CPLANE1: variants seen among roughly 807,000 people sequenced by gnomAD.
The protein encoded by CPLANE1 is ciliogenesis and planar polarity effector 1.
CPLANE1 carries 263 observed loss-of-function variants against 362.5 expected under a neutral mutation model. The observed-to-expected ratio is 0.73, with a 90% CI of 0.66 to 0.80. CPLANE1 has a LOEUF of 0.80. Among genes scored for constraint, CPLANE1 ranks in the 30% least tolerant of loss-of-function variants. The probability of loss-of-function intolerance (pLI) is 0.00; values close to 1 mark genes in which losing one functional copy is unlikely to be tolerated. For synonymous variants in CPLANE1, 1,212 were observed against 1,302.6 expected, an observed-to-expected ratio of 0.93 and a Z score of 1.50; for missense variants, 3,461 against 3,793.4, an observed-to-expected ratio of 0.91 and a Z score of 2.30.
At position 37,125,419 on chromosome 5, in the gene CPLANE1, T is replaced by C; in HGVS notation, c.8793-10A>G. ...AGAATAATGCTGAATTCTGAGAAATTTAACAAGCAAGACATCATTTGCTTT... is the reference window on the plus strand; with the variant it reads ...AGAATAATGCTGAATTCTGAGAAATCTAACAAGCAAGACATCATTTGCTTT... On this transcript the variant is annotated splice_polypyrimidine_tract_variant and intron_variant, in intron 46 of 52. Transcript: ENST00000651892. The C allele has an allele frequency of 6.2e-7, 1 of 1,610,688 alleles. No individual in the cohort carries two copies. The highest frequency in any genetic ancestry group is 1.7e-5 in the Admixed American group (1 of 59,574).
downstream of CPLANE1, among the ~76,000 whole-genome samples, chr5:37,105,959 AG>A (rs1757570348): frequency 6.6e-6 from 1 of 152,174 alleles, no homozygotes. Context: ...TACCATAATG[AG>A]GTATCGCTGC....
chr5:37,127,896 T>C (rs897037191), intron 46 of CPLANE1, among the ~76,000 whole-genome samples: 10 of 152,154 alleles, frequency 6.6e-5, no homozygotes, highest in Admixed American at 3.3e-4. Context: ...AAAAATTAGC[T>C]GGGTGCAGTG....
At chr5:37,084,978 A>G in the CPLANE1 span, 6 of 559,238 alleles carry the variant, frequency 1.1e-5, no homozygotes, top group African/African-American at 9.4e-5. Context: ...ATCAGACAAA[A>G]CCAACTTTAA....
At chr5:37,231,880 C>T (rs113626805) in intron 8 of CPLANE1, among the ~76,000 whole-genome samples, 2 of 151,932 alleles carry the variant, frequency 1.3e-5, no homozygotes, top group Non-Finnish European at 2.9e-5. Flanking sequence ...AACAGTAGGT[C>T]CTCCTCAGAA....
Position 37,179,465 on chromosome 5 carries a change from G to C in CPLANE1, c.5738-22C>G, listed in dbSNP as rs1321721540. The C allele has an allele frequency of 2.6e-6, 4 of 1,517,304 alleles. No homozygotes were observed. The East Asian group carries it at 6.8e-5, about 26-fold the overall frequency. 94.0% of individuals were successfully genotyped at this position (1,517,304 alleles called of 1,614,324 possible). ...TCTTCTAGCGATAAGTGAAGATGAA[G>C]AGAAAACTGATCATTTAAAAAATAA... is the stretch of plus-strand genomic sequence containing the variant. On this transcript the variant is annotated intron_variant, in intron 28 of 52. Transcript: ENST00000651892.
chr5:37,157,391 T>C lies in CPLANE1; in HGVS notation c.8041A>G (p.Ser2681Gly). The C allele has an allele frequency of 7.0e-7, 1 of 1,430,818 alleles. No individual in the cohort carries two copies. The highest frequency in any genetic ancestry group is 9.3e-7 in the Non-Finnish European group (1 of 1,073,296). 88.6% of individuals were successfully genotyped at this position (1,430,818 alleles called of 1,614,324 possible). ...EVTPACLDGKSLRAGITEVKE... is the reference protein window; with the variant it reads ...EVTPACLDGKGLRAGITEVKE... Reference sequence around the variant, plus strand: ...ACTTCTGTAATGCCTGCTCTCAAGCTTTTTCCATCCAGACAAGCTGGAGTT... The same window carrying C: ...ACTTCTGTAATGCCTGCTCTCAAGCCTTTTCCATCCAGACAAGCTGGAGTT... Residue 2681 changes from serine to glycine, a missense_variant, in exon 41 of 53, where the codon AGC becomes GGC. Coordinates refer to ENST00000651892, the MANE Select transcript of CPLANE1 (RefSeq NM_001384732.1).
chr5:37,212,901 A>G (rs938300003), intron 16 of CPLANE1, among the ~76,000 whole-genome samples: 3 of 152,226 alleles, frequency 2.0e-5, no homozygotes, highest in Non-Finnish European at 4.4e-5. Context: ...AGTCCCTGCT[A>G]CTTGGGAGGC....
At chr5:37,150,740 T>C (rs968560512) in intron 42 of CPLANE1, among the ~76,000 whole-genome samples, 3 of 152,204 alleles carry the variant, frequency 2.0e-5, no homozygotes, top group African/African-American at 4.8e-5. Context: ...TTAGTGGATC[T>C]CAAACACTTA....
chr5:37,248,896 G>A lies in CPLANE1; in HGVS notation c.-48+349C>T, dbSNP rs187125062. ...ATTGCTAAGAGCGAGGAAAATTGAC[G>A]TTCTATTCCTCCGGATCCTGCTCGA... On this transcript the variant is annotated intron_variant, in intron 1 of 52. Transcript: ENST00000651892. Among the ~76,000 whole-genome samples, 371 of 152,336 alleles carry A rather than the reference G, an allele frequency of 2.4e-3. 1 individual carries two copies. The highest frequency in any genetic ancestry group is 0.01 in the Middle Eastern group (3 of 294).
At chr5:37,170,427 C>T in intron 32 of CPLANE1, 96 bp from the exon 33 acceptor site, 18 of 1,239,170 alleles carry the variant, frequency 1.5e-5, no homozygotes, top group South Asian at 6.0e-5. Flanking sequence ...AATAGTCACA[C>T]GTTTGTCTTA....
At chr5:37,233,155 T>TGGAA (rs1168045847) in intron 8 of CPLANE1, among the ~76,000 whole-genome samples, 4 of 152,134 alleles carry the variant, frequency 2.6e-5, no homozygotes, top group Admixed American at 1.3e-4. Context: ...GGAAAACACA[T>TGGAA]GGAATCCCAC....
In CPLANE1 at chr5:37,107,514, T is replaced by C. The variant is rs1050383928; in HGVS notation, c.*88A>G. Reference sequence around the variant, plus strand: ...TGGAAAATTCACATTGCTTCTTTCATTGCTTCTGTCCCTTAAACCTGTTAA... The same window carrying C: ...TGGAAAATTCACATTGCTTCTTTCACTGCTTCTGTCCCTTAAACCTGTTAA... On this transcript the variant is annotated 3_prime_UTR_variant, in exon 53 of 53. Transcript: ENST00000651892. 2.2e-6 allele frequency: 3 copies of C among 1,344,240 alleles called. No individual in the cohort carries two copies. The highest frequency in any genetic ancestry group is 3.0e-5 in the African/African-American group (2 of 67,170). The allele number at this position is 1,344,240 out of a possible 1,614,324, so 83.3% of individuals were successfully genotyped here. A position where few individuals can be genotyped will look rare whatever the true frequency, so the allele number is the denominator to read the frequency against.
At chr5:37,241,135 C>CAA (rs113875009) in intron 6 of CPLANE1, among the ~76,000 whole-genome samples, 2 of 145,130 alleles carry the variant, frequency 1.4e-5, no homozygotes, top group Non-Finnish European at 3.0e-5. Context: ...GACTCTGTCT[C>CAA]AAAAAAAAAA....
At chr5:37,125,145 A>T in intron 47 of CPLANE1, 99 bp downstream of exon 47, 1 of 1,427,086 alleles carries the variant, frequency 7.0e-7, no homozygotes, top group East Asian at 2.3e-5. Flanking sequence ...GCCAAATTAC[A>T]AATGTATCCA....
At chr5:37,236,890 A>G (rs1799121254) in intron 8 of CPLANE1, among the ~76,000 whole-genome samples, 1 of 152,232 alleles carries the variant, frequency 6.6e-6, no homozygotes, top group South Asian at 2.1e-4. Context: ...CAGAATGGCT[A>G]TTACTAAAAA....
In CPLANE1 at chr5:37,238,933, G is replaced by A. The variant is rs1195050336; in HGVS notation, c.862C>T (p.Leu288=). 5.2e-6 allele frequency: 8 copies of A among 1,525,962 alleles called. No homozygotes were observed. Among genetic ancestry groups the A allele is most frequent in the African/African-American group, 1.4e-5 (1 of 71,340 alleles). The allele number at this position is 1,525,962 out of a possible 1,614,324, so 94.5% of individuals were successfully genotyped here. The change falls in exon 8 of 53, where the codon CTG becomes TTG. Residue 288 remains leucine (L), a synonymous_variant. Transcript: ENST00000651892. ...KATQVLFINT[L]NFVTLCGSLK... is the part of the protein sequence containing the mutation. ...CTACCACAGAGAGTAACAAAATTCAGTGTGTTTATAAATAATACCTGAGTT... is the reference window on the plus strand; with the variant it reads ...CTACCACAGAGAGTAACAAAATTCAATGTGTTTATAAATAATACCTGAGTT...
chr5:37,141,125 T>C (rs1214117294), intron 44 of CPLANE1: 5 of 985,132 alleles, frequency 5.1e-6, no homozygotes, highest in African/African-American at 1.7e-5. Context: ...CCCACAACAC[T>C]AGCCAGGCCC....
intron 12 of CPLANE1, among the ~76,000 whole-genome samples, chr5:37,226,091 T>A (rs186373247): frequency 1.7e-4 from 26 of 152,292 alleles, no homozygotes; most frequent in Non-Finnish European, 3.7e-4. Flanking sequence ...TCTATAATGC[T>A]GAGTGCTAAC....
intron 29 of CPLANE1, 130 bp downstream of exon 29, chr5:37,179,231 C>T: frequency 1.6e-6 from 1 of 642,576 alleles, no homozygotes; most frequent in Non-Finnish European, 2.7e-6. Flanking sequence ...CTATATTCTA[C>T]AACCCATGGT....
Sources: allele counts gnomAD v4.1 joint callset (sites outside exome capture counted in the v4.1 genomes callset), GRCh38; gene constraint gnomAD v4.1.1; transcripts MANE v1.5; gene names NCBI Gene and HGNC (gene_info 2026-07-23, HGNC 2026-07-21).